Variants in ANXA8 observed in about 807,000 individuals in gnomAD.
ANXA8 encodes annexin A8.
Under a neutral mutation model 26.8 loss-of-function variants are expected in ANXA8, and 9 were observed. The observed-to-expected ratio is 0.34, with a 90% confidence interval of 0.20 to 0.59. ANXA8 has a LOEUF of 0.59. ANXA8 is among the 20% of genes least tolerant of loss of function. The pLI is 0.84. For synonymous variants in ANXA8, 39 were observed against 94.8 expected (o/e 0.41, Z 3.42); for missense variants, 83 against 238.5 (o/e 0.35, Z 4.29).
At chr10:47,498,141 A>G in the ANXA8 span, among the ~76,000 whole-genome samples, 1 of 149,858 alleles carries the variant, frequency 6.7e-6, no homozygotes, top group Non-Finnish European at 1.5e-5. Flanking sequence ...TCCACTAAGC[A>G]ACTTCCCATT....
At chr10:47,487,842 C>G (rs1337398503), upstream of ANXA8, among the ~76,000 whole-genome samples, 1 of 148,214 alleles carries the variant, frequency 6.7e-6, no homozygotes, top group Non-Finnish European at 1.5e-5. Context: ...TCCTTTATGG[C>G]GCTGATTTTT....
At chr10:47,703,365 C>A in the ANXA8 span, among the ~76,000 whole-genome samples, 1 of 151,676 alleles carries the variant, frequency 6.6e-6, no homozygotes, top group South Asian at 2.1e-4. Flanking sequence ...CCCAGGAGTT[C>A]GAGACCAGCC....
chr10:47,697,819 CA>C, the ANXA8 span, among the ~76,000 whole-genome samples: 722 of 96,134 alleles, frequency 7.5e-3, 3 homozygotes, highest in African/African-American at 0.025. Context: ...GAAGACAGAC[CA>C]AAAAAAATGA....
the ANXA8 span, among the ~76,000 whole-genome samples, chr10:47,719,126 G>A: frequency 1.6e-5 from 2 of 124,130 alleles, no homozygotes; most frequent in Non-Finnish European, 3.3e-5. Flanking sequence ...TTTTTACGTA[G>A]AGAGAAGAAG....
chr10:47,683,223 ATTT>A, the ANXA8 span, among the ~76,000 whole-genome samples: 9 of 110,584 alleles, frequency 8.1e-5, no homozygotes, highest in South Asian at 5.5e-4. Context: ...GCATTTACTA[ATTT>A]TTTTTTTTTT....
the ANXA8 span, among the ~76,000 whole-genome samples, chr10:47,940,562 G>A: frequency 2.7e-5 from 4 of 146,864 alleles, 1 homozygote; most frequent in East Asian, 8.4e-4. Flanking sequence ...GGGCATGGTG[G>A]CTCACACCTG....
At chr10:47,678,834 G>A in the ANXA8 span, among the ~76,000 whole-genome samples, 28,476 of 139,390 alleles carry the variant, frequency 0.2, 1,073 homozygotes, top group East Asian at 0.43. Context: ...TTTGAGATCA[G>A]GAGTTTGAGA....
At chr10:47,671,042 C>G in the ANXA8 span, among the ~76,000 whole-genome samples, 1 of 151,592 alleles carries the variant, frequency 6.6e-6, no homozygotes, top group Non-Finnish European at 1.5e-5. Flanking sequence ...AAATGTGGTC[C>G]CAGCAGAAGT....
At chr10:47,593,443 C>T in the ANXA8 span, among the ~76,000 whole-genome samples, 1 of 149,816 alleles carries the variant, frequency 6.7e-6, no homozygotes, top group African/African-American at 2.5e-5. Flanking sequence ...CCATAGGGGC[C>T]CAGAAAGCGT....
At chr10:47,918,372 AGAGAGAGAG>A in the ANXA8 span, among the ~76,000 whole-genome samples, 11 of 20,178 alleles carry the variant, frequency 5.5e-4, no homozygotes, top group African/African-American at 2.7e-3. Context: ...AGAGAGAGAG[AGAGAGAGAG>A]AGAGAAAGAA....
At chr10:47,562,124 A>G in the ANXA8 span, among the ~76,000 whole-genome samples, 4 of 151,942 alleles carry the variant, frequency 2.6e-5, no homozygotes, top group Non-Finnish European at 4.4e-5. Context: ...TTTTTACAGT[A>G]GACCAAATAA....
At chr10:47,930,019 C>T in the ANXA8 span, among the ~76,000 whole-genome samples, 1 of 152,172 alleles carries the variant, frequency 6.6e-6, no homozygotes, top group Non-Finnish European at 1.5e-5. Flanking sequence ...TCTGGCCTCA[C>T]TTCCCACTAC....
At chr10:47,745,719 A>G in the ANXA8 span, among the ~76,000 whole-genome samples, 1 of 136,920 alleles carries the variant, frequency 7.3e-6, no homozygotes, top group East Asian at 3.0e-4. Flanking sequence ...TCCCAGCTCC[A>G]GGAAACATCA....
At chr10:47,534,636 C>T in the ANXA8 span, among the ~76,000 whole-genome samples, 1 of 123,420 alleles carries the variant, frequency 8.1e-6, no homozygotes, top group Admixed American at 8.2e-5. Context: ...ATTTTCAATT[C>T]CACTGCCCAG....
the ANXA8 span, among the ~76,000 whole-genome samples, chr10:47,694,509 C>T: frequency 6.7e-6 from 1 of 150,060 alleles, no homozygotes; most frequent in Non-Finnish European, 1.5e-5. Flanking sequence ...CAACCTCTGC[C>T]TCCTGGGTTC....
the ANXA8 span, among the ~76,000 whole-genome samples, chr10:47,946,178 A>G: frequency 1.3e-5 from 2 of 148,356 alleles, no homozygotes; most frequent in Non-Finnish European, 3.0e-5. Context: ...ATCTCATCCA[A>G]TCTCTTTAAT....
At chr10:47,561,394 C>A in the ANXA8 span, among the ~76,000 whole-genome samples, 47 of 151,764 alleles carry the variant, frequency 3.1e-4, no homozygotes, top group Middle Eastern at 0.014. Context: ...GCGTGAACTA[C>A]CATGTTGGGC....
At chr10:47,949,732 C>A in the ANXA8 span, among the ~76,000 whole-genome samples, 1 of 148,828 alleles carries the variant, frequency 6.7e-6, no homozygotes, top group Admixed American at 6.7e-5. Flanking sequence ...TACCCTCATG[C>A]AACCACTAAA....
chr10:47,520,337 TAAC>T, the ANXA8 span, among the ~76,000 whole-genome samples: 2 of 52,980 alleles, frequency 3.8e-5, no homozygotes, highest in African/African-American at 1.9e-4. Flanking sequence ...ACTAACATCA[TAAC>T]AACTAAAGGA....
Sources: allele counts gnomAD v4.1 joint callset (sites outside exome capture counted in the v4.1 genomes callset), GRCh38; gene constraint gnomAD v4.1.1; transcripts MANE v1.5; gene names NCBI Gene and HGNC (gene_info 2026-07-23, HGNC 2026-07-21).